SLMAP: variants seen among roughly 807,000 people sequenced by gnomAD.
SLMAP encodes sarcolemma associated protein, also known as sarcolemmal membrane-associated protein.
In SLMAP, 44 loss-of-function variants were observed where a neutral mutation model predicts 128.8. The ratio of observed to expected loss-of-function variants is 0.34; its 90% CI spans 0.27 to 0.44. The LOEUF (loss-of-function observed/expected upper bound fraction) is 0.44, where lower values mean the gene tolerates loss of function less well. SLMAP is among the 20% of genes least tolerant of loss of function. SLMAP has a pLI of 1.00. For synonymous variants in SLMAP, 327 were observed against 348.8 expected (o/e 0.94, Z 0.70); for missense variants, 787 against 985.3 (o/e 0.80, Z 2.69).
intron 2 of SLMAP, among the ~76,000 whole-genome samples, chr3:57,799,333 C>T (rs1284544270): frequency 1.3e-5 from 2 of 152,210 alleles, no homozygotes; most frequent in Non-Finnish European, 2.9e-5. Flanking sequence ...TTGTGACCTA[C>T]TGATGGAGGA....
At chr3:57,781,491 C>T (rs1175864424) in intron 2 of SLMAP, among the ~76,000 whole-genome samples, 1 of 152,016 alleles carries the variant, frequency 6.6e-6, no homozygotes, top group African/African-American at 2.4e-5. Context: ...TAATAATCTA[C>T]CTTTCTTGTA....
At chr3:57,843,856 C>T (rs2094107918) in intron 4 of SLMAP, among the ~76,000 whole-genome samples, 1 of 135,878 alleles carries the variant, frequency 7.4e-6, no homozygotes, top group Non-Finnish European at 1.5e-5. Context: ...TTTCGGTTCA[C>T]TGCAGCCTCC....
intron 5 of SLMAP, among the ~76,000 whole-genome samples, chr3:57,848,857 G>T (rs1020187140): frequency 4.0e-5 from 6 of 151,878 alleles, no homozygotes; most frequent in Non-Finnish European, 5.9e-5. Flanking sequence ...TTACAGGCAT[G>T]TGCCACCATG....
chr3:57,858,396 C>G (rs903569250), intron 8 of SLMAP, among the ~76,000 whole-genome samples: 13 of 152,126 alleles, frequency 8.5e-5, no homozygotes. Context: ...AAAACTGGGT[C>G]ATTTGTCCTC....
Position 57,870,849 on chromosome 3 carries a change from GAT to G in SLMAP, c.1238-783_1238-782del, listed in dbSNP as rs373557477. On this transcript the variant is annotated intron_variant, in intron 13 of 24. Transcript: ENST00000671191. ...CAAAATAGATTTGGTCATTTTGAAA[GAT>G]ATAAATACACGTTAAAGGACATTAT... 1.6e-4 allele frequency among the ~76,000 whole-genome samples: 25 copies of G among 152,240 alleles called. No homozygotes were observed. In the South Asian group the frequency reaches 5.2e-3, roughly 32 times the overall value.
chr3:57,925,869 G>A lies in SLMAP; in HGVS notation c.2470G>A (p.Ala824Thr). ...GCCTTCCATATTACAACCCGTCCCAGCCGTATTCATCGGCCTATTCCTGGC... is the reference window on the plus strand; with the variant it reads ...GCCTTCCATATTACAACCCGTCCCAACCGTATTCATCGGCCTATTCCTGGC... ...NNPSILQPVPAVFIGLFLAFL... is the reference protein window; with the variant it reads ...NNPSILQPVPTVFIGLFLAFL... Residue 824 changes from alanine (A) to threonine (T), a missense_variant, in exon 24 of 25, where the codon GCC (alanine) becomes ACC (threonine). Coordinates refer to ENST00000671191, the MANE Select transcript of SLMAP (RefSeq NM_001377540.1). The A allele has an allele frequency of 6.4e-7, 1 of 1,551,028 alleles. No individual in the cohort carries two copies.
At chr3:57,793,660 C>A (rs892390561) in intron 2 of SLMAP, among the ~76,000 whole-genome samples, 3 of 152,180 alleles carry the variant, frequency 2.0e-5, no homozygotes, top group Non-Finnish European at 4.4e-5. Context: ...GTTTTGTCCT[C>A]AACTACTAGC....
In SLMAP at chr3:57,841,319, T is replaced by G. The variant is rs1413305140; in HGVS notation, c.367T>G (p.Ser123Ala). Residue 123 changes from serine to alanine, a missense_variant, in exon 4 of 25, where the codon TCC (serine) becomes GCC (alanine). Ser to Ala is a moderately conservative substitution (Grantham distance 99). Coordinates refer to ENST00000671191, the MANE Select transcript of SLMAP (RefSeq NM_001377540.1). ...ACCAGTTACCCATGGGTGTATTGTT[T>G]CCACAATAAAACTTTTTCTACCAGA... ...TRKVTHGCIV[S>A]TIKLFLPDGM... 2 of 1,606,078 alleles carry G rather than the reference T, an allele frequency of 1.2e-6. No individual in the cohort carries two copies. The highest frequency in any genetic ancestry group is 2.7e-5 in the African/African-American group (2 of 74,658).
chr3:57,758,448 G>GT (rs1191506406), intron 2 of SLMAP, among the ~76,000 whole-genome samples: 7 of 151,940 alleles, frequency 4.6e-5, no homozygotes, highest in African/African-American at 7.3e-5. Flanking sequence ...TATTTTCAGA[G>GT]TTTTTTTTAC....
chr3:57,857,024 A>G (rs1043037255), intron 6 of SLMAP, among the ~76,000 whole-genome samples: 22 of 152,146 alleles, frequency 1.4e-4, no homozygotes, highest in South Asian at 2.1e-4. Flanking sequence ...GCATAGATAT[A>G]TGTCTACATA....
intron 3 of SLMAP, among the ~76,000 whole-genome samples, chr3:57,832,698 G>GGT (rs947074079): frequency 6.6e-6 from 1 of 151,998 alleles, no homozygotes; most frequent in East Asian, 1.9e-4. Flanking sequence ...TGATGATGCT[G>GGT]GTGTGTGTGT....
Position 57,924,962 on chromosome 3 carries a change from T to G in SLMAP, c.2446-883T>G, listed in dbSNP as rs553162735. ...TTTTTTGTTTTTTGTTTTTTGTTTT[T>G]TTTTTTTTTGGTGACAGGGTCTTGC... is the stretch of plus-strand genomic sequence containing the variant. On this transcript the variant is annotated intron_variant, in intron 23 of 24. Transcript: ENST00000671191. Among the ~76,000 whole-genome samples the G allele has an allele frequency of 5.3e-5, 8 of 149,846 alleles. No homozygotes were observed. In the South Asian group the frequency reaches 1.5e-3, roughly 28 times the overall value.
intron 2 of SLMAP, among the ~76,000 whole-genome samples, chr3:57,789,807 C>A (rs2085048927): frequency 6.6e-6 from 1 of 151,938 alleles, no homozygotes; most frequent in Non-Finnish European, 1.5e-5. Flanking sequence ...TCCAAAATGT[C>A]ATGTTCTGAG....
At chr3:57,910,162 T>C (rs1355702172) in intron 19 of SLMAP, among the ~76,000 whole-genome samples, 1 of 151,816 alleles carries the variant, frequency 6.6e-6, no homozygotes, top group East Asian at 1.9e-4. Flanking sequence ...CATCTAATGC[T>C]CAGAACACAC....
At chr3:57,893,682 T>C (rs537097897) in intron 15 of SLMAP, among the ~76,000 whole-genome samples, 14 of 152,278 alleles carry the variant, frequency 9.2e-5, no homozygotes, top group South Asian at 2.1e-4. Flanking sequence ...GTTTTCCTGT[T>C]TTCCTTTTTG....
rs746678965 is a variant in SLMAP, at chr3:57,862,067, A to T, written c.947A>T (p.Asp316Val). ...AATGGAGCAGTTAATGAGATTAAAG[A>T]TTTATCTGATAAATTAAAGGTATGT... ...KYNGAVNEIK[D>V]LSDKLKVAEG... The change falls in exon 10 of 25, where the codon GAT becomes GTT. Residue 316 changes from aspartate to valine, a missense_variant. Physicochemically the swap from Asp to Val is radical, Grantham distance 152. This residue lies in a region of SLMAP where 715 missense variants were observed against 843.6 expected (regional missense o/e 0.85). Coordinates refer to ENST00000671191, the MANE Select transcript of SLMAP (RefSeq NM_001377540.1). 1.3e-6 allele frequency: 2 copies of T among 1,582,104 alleles called. No individual in the cohort carries two copies. Among genetic ancestry groups the T allele is most frequent in the East Asian group, 4.5e-5 (2 of 44,670 alleles).
At chr3:57,811,839 T>C (rs916010496) in intron 2 of SLMAP, among the ~76,000 whole-genome samples, 4 of 152,212 alleles carry the variant, frequency 2.6e-5, no homozygotes, top group Admixed American at 2.0e-4. Flanking sequence ...ATGTTCAGCA[T>C]CTTTTCATGT....
intron 2 of SLMAP, among the ~76,000 whole-genome samples, chr3:57,759,230 G>A (rs912829189): frequency 2.0e-5 from 3 of 151,712 alleles, no homozygotes; most frequent in African/African-American, 7.3e-5. Context: ...CTCGCTCCTC[G>A]CAAGCTGAAG....
Position 57,928,568 on chromosome 3 carries a change from G to C in SLMAP, c.*1279G>C. 4 of 152,268 alleles carry C rather than the reference G, an allele frequency of 2.6e-5. No individual in the cohort carries two copies. The South Asian group carries it at 8.3e-4, about 32-fold the overall frequency. The allele number at this position is 152,268 out of a possible 1,614,324, so 9.4% of individuals were successfully genotyped here. ...GATATTATAAATTTAAAACACAAGT[G>C]AAAGTTTAGCCATGGTTTTGTGCGG... On this transcript the variant is annotated 3_prime_UTR_variant, in exon 25 of 25. Coordinates refer to ENST00000671191, the MANE Select transcript of SLMAP (RefSeq NM_001377540.1).
Sources: gnomAD v4.1 joint callset for allele counts (sites outside exome capture counted in the v4.1 genomes callset) on GRCh38, gnomAD v4.1.1 for gene constraint, gnomAD v4.1.1 regional missense constraint, MANE v1.5 for transcripts, NCBI Gene and HGNC (gene_info 2026-07-23, HGNC 2026-07-21) for gene names.